Variants in BIN2 observed in about 807,000 individuals in gnomAD.
The protein encoded by BIN2 is breast cancer associated protein BRAP1.
Under a neutral mutation model 67.9 loss-of-function variants are expected in BIN2, and 43 were observed. The ratio of observed to expected loss-of-function variants is 0.63; its 90% CI spans 0.50 to 0.82. The LOEUF is 0.82. Ranked by LOEUF, BIN2 falls within the 40% of genes least tolerant of loss-of-function variation. The pLI is 0.00. For synonymous variants in BIN2, 244 were observed against 246.8 expected, an observed-to-expected ratio of 0.99 and a Z score of 0.11; for missense variants, 581 against 671.6, an observed-to-expected ratio of 0.87 and a Z score of 1.49.
At chr12:51,285,622 CTTTCTT>C (rs1310520479) in intron 11 of BIN2, among the ~76,000 whole-genome samples, 5 of 115,886 alleles carry the variant, frequency 4.3e-5, no homozygotes, top group Non-Finnish European at 9.0e-5. Flanking sequence ...TTTTTTCTTT[CTTTCTT>C]TTTTTTTTTT....
rs1163870830 is a variant in BIN2, at chr12:51,295,577, AATATATATATATATAT to A, written c.761+203_761+218del. Among the ~76,000 whole-genome samples, 45 of 29,540 alleles carry A rather than the reference AATATATATATATATAT, an allele frequency of 1.5e-3. 1 individual carries two copies. Among genetic ancestry groups the A allele is most frequent in the African/African-American group, 1.7e-3 (13 of 7,718 alleles). The allele number at this position is 29,540 out of a possible 152,430, so 19.4% of individuals were successfully genotyped here. On this transcript the variant is annotated intron_variant, in intron 9 of 12. Transcript: ENST00000615107. ...GACTCCGTCTCAAAAAAAAAAAAAA[AATATATATATATATAT>A]ATATATATATATATATATATATATA...
chr12:51,300,961 C>T (rs1012346972), intron 5 of BIN2, among the ~76,000 whole-genome samples: 2 of 152,206 alleles, frequency 1.3e-5, no homozygotes, highest in Non-Finnish European at 2.9e-5. Context: ...TGGCTCACGC[C>T]TGCAATCCCA....
intron 12 of BIN2, among the ~76,000 whole-genome samples, chr12:51,283,283 A>G (rs1018680707): frequency 6.1e-5 from 8 of 130,448 alleles, no homozygotes; most frequent in African/African-American, 2.2e-4. Flanking sequence ...AAAAAAAAAA[A>G]GTTCTGCTTA....
rs186093494 is a variant in BIN2, at chr12:51,306,293, T to C, written c.163-3152A>G. Among the ~76,000 whole-genome samples the C allele has an allele frequency of 5.9e-5, 9 of 152,284 alleles. No homozygotes were observed. The East Asian group carries it at 1.7e-3, about 29-fold the overall frequency. ...GGTACAGAACTGTGATTGTGTGCTG[T>C]GTTACAGCAAATGAGGATTAAGAGA... is the stretch of plus-strand genomic sequence containing the variant. On this transcript the variant is annotated intron_variant, in intron 2 of 12. Transcript: ENST00000615107.
chr12:51,281,597 A>T, intron 12 of BIN2, 69 bp from the exon 13 acceptor site: 2 of 1,531,874 alleles, frequency 1.3e-6, no homozygotes, highest in Non-Finnish European at 1.8e-6. Context: ...GAGGGGTTAA[A>T]CTCAGTTTGC....
chr12:51,324,336 G>A, upstream of BIN2: 1 of 1,324,362 alleles, frequency 7.6e-7, no homozygotes, highest in Non-Finnish European at 9.9e-7. Context: ...CTCGCTCGAG[G>A]CCAGCTTCCG....
intron 2 of BIN2, among the ~76,000 whole-genome samples, chr12:51,310,412 A>C (rs753378121): frequency 2.6e-5 from 4 of 152,240 alleles, no homozygotes; most frequent in Non-Finnish European, 5.9e-5. Context: ...TGATTTAAAC[A>C]AACCATAAAA....
intron 2 of BIN2, among the ~76,000 whole-genome samples, chr12:51,311,917 A>G (rs1946006918): frequency 6.6e-6 from 1 of 151,986 alleles, no homozygotes; most frequent in South Asian, 2.1e-4. Flanking sequence ...GATTACAGGC[A>G]TGTCCTATCA....
rs1472283979 is a variant in BIN2, at chr12:51,281,206, T to G, written c.*293A>C. 1.4e-5 allele frequency: 6 copies of G among 425,308 alleles called. No homozygotes were observed. Among genetic ancestry groups the G allele is most frequent in the Admixed American group, 1.1e-4 (3 of 27,766 alleles). The allele number at this position is 425,308 out of a possible 1,614,324, so 26.3% of individuals were successfully genotyped here. On this transcript the variant is annotated 3_prime_UTR_variant, in exon 13 of 13. Transcript: ENST00000615107. ...TGTCTATAGATACTTTTGCTTTTTA[T>G]AGTGATTAAAGCTCCACTTTAGTTA... is the stretch of plus-strand genomic sequence containing the variant.
chr12:51,295,577 AAT>A (rs1163870830), intron 9 of BIN2, among the ~76,000 whole-genome samples: 134 of 29,516 alleles, frequency 4.5e-3, no homozygotes, highest in Non-Finnish European at 5.8e-3. Context: ...AAAAAAAAAA[AAT>A]ATATATATAT....
chr12:51,324,601 G>A (rs114267367), upstream of BIN2: 2,036 of 1,404,098 alleles, frequency 1.5e-3, 33 homozygotes, highest in African/African-American at 0.027. Flanking sequence ...CTCTAAGCCT[G>A]GAACTGGTAG....
At chr12:51,324,375 C>T (rs1014465452), upstream of BIN2, 8 of 1,307,644 alleles carry the variant, frequency 6.1e-6, no homozygotes, top group East Asian at 1.1e-4. Context: ...AAACCTCGGC[C>T]TCACTGAACC....
chr12:51,316,638 T>C (rs1946142078), intron 1 of BIN2, among the ~76,000 whole-genome samples: 2 of 152,172 alleles, frequency 1.3e-5, no homozygotes, highest in Non-Finnish European at 2.9e-5. Flanking sequence ...CTTTTTTAGT[T>C]TCCCAAATAA....
In BIN2 at chr12:51,302,089, G is replaced by A. The variant is rs79231837; in HGVS notation, c.339C>T (p.Tyr113=). The A allele has an allele frequency of 3.9e-4, 634 of 1,612,978 alleles. 4 individuals carry two copies. In the East Asian group the frequency reaches 9.2e-3, roughly 23 times the overall value. ...VWNNDLLWED[Y]EEKLADQAVR... is the part of the protein sequence containing the mutation. ...CAGCCTGGTCAGCCAGTTTCTCCTCGTAGTCTTCCCAAAGGAGATCATTAT... is the reference window on the plus strand; with the variant it reads ...CAGCCTGGTCAGCCAGTTTCTCCTCATAGTCTTCCCAAAGGAGATCATTAT... Residue 113 remains tyrosine, a synonymous_variant, in exon 5 of 13, where the codon TAC becomes TAT. Transcript: ENST00000615107.
At chr12:51,321,152 G>A (rs1264335697) in intron 1 of BIN2, among the ~76,000 whole-genome samples, 1 of 152,122 alleles carries the variant, frequency 6.6e-6, no homozygotes, top group Non-Finnish European at 1.5e-5. Flanking sequence ...GGATCAGCAG[G>A]AAGTGGGGGA....
intron 9 of BIN2, 50 bp downstream of exon 9, chr12:51,295,746 A>G: frequency 6.8e-7 from 1 of 1,478,104 alleles, no homozygotes; most frequent in South Asian, 1.1e-5. Flanking sequence ...GATGTTGAAT[A>G]CATTCACACA....
rs1475241854 is a variant in BIN2, at chr12:51,281,388, A to G, written c.*111T>C. On this transcript the variant is annotated 3_prime_UTR_variant, in exon 13 of 13. Transcript: ENST00000615107. The stretch of plus-strand genomic sequence containing the variant: ...GTCTTTAGACAGCACCAGCATTCCT[A>G]CTGAGAACCCAGGGATGGATGCTGG... 6 of 1,206,206 alleles carry G rather than the reference A, an allele frequency of 5.0e-6. No individual in the cohort carries two copies. Among genetic ancestry groups the G allele is most frequent in the Non-Finnish European group, 7.4e-6 (6 of 815,786 alleles). The allele number at this position is 1,206,206 out of a possible 1,614,324, so 74.7% of individuals were successfully genotyped here.
chr12:51,294,999 C>T (rs140244383), intron 9 of BIN2, among the ~76,000 whole-genome samples: 16,035 of 152,208 alleles, frequency 0.11, 863 homozygotes, highest in African/African-American at 0.13. Context: ...GTGGCATGAT[C>T]ATAGCTCACT....
chr12:51,323,962 G>C (rs1946360698), intron 1 of BIN2, 60 bp downstream of exon 1: 4 of 1,595,462 alleles, frequency 2.5e-6, no homozygotes, highest in Non-Finnish European at 3.4e-6. Flanking sequence ...TGCCCGGCCG[G>C]GCTCGGCCTC....
Sources: gnomAD v4.1 joint callset for allele counts (sites outside exome capture counted in the v4.1 genomes callset) on GRCh38, gnomAD v4.1.1 for gene constraint, MANE v1.5 for transcripts, NCBI Gene and HGNC (gene_info 2026-07-23, HGNC 2026-07-21) for gene names.